Variants in HAPSTR1 observed in about 807,000 individuals in gnomAD.
HAPSTR1 encodes the protein HUWE1-associated protein modifying stress responses 1.
the HAPSTR1 span, among the ~76,000 whole-genome samples, chr16:9,114,904 G>A: frequency 6.6e-6 from 1 of 152,208 alleles, no homozygotes; most frequent in Non-Finnish European, 1.5e-5. Flanking sequence ...GTATTCTCAT[G>A]TTAATGCTTC....
chr16:9,106,314 C>A, the HAPSTR1 span: 1 of 144,530 alleles, frequency 6.9e-6, no homozygotes, highest in Non-Finnish European at 1.5e-5. Context: ...TTTTTTGAGA[C>A]TGAGTGTCGC....
chr16:9,101,488 T>G, the HAPSTR1 span, among the ~76,000 whole-genome samples: 1 of 152,244 alleles, frequency 6.6e-6, no homozygotes, highest in African/African-American at 2.4e-5. Context: ...CAAATTGATG[T>G]TGAATTCTTG....
chr16:9,111,394 T>C, the HAPSTR1 span: 1 of 152,384 alleles, frequency 6.6e-6, no homozygotes. Context: ...AATTGAATTT[T>C]CTGTGAAGTC....
the HAPSTR1 span, chr16:9,120,695 T>TTTTTTTGG: frequency 7.9e-6 from 1 of 126,062 alleles, no homozygotes; most frequent in Non-Finnish European, 1.7e-5. Flanking sequence ...TTTTTTTTTT[T>TTTTTTTGG]GTGATGGAGT....
At chr16:9,091,646 TCA>T in the HAPSTR1 span, 1 of 397,742 alleles carries the variant, frequency 2.5e-6, no homozygotes, top group Non-Finnish European at 4.4e-6. Context: ...ACGACGTTGC[TCA>T]GTCTTGGGGT....
chr16:9,118,466 G>C, the HAPSTR1 span: 1 of 152,628 alleles, frequency 6.6e-6, no homozygotes, highest in African/African-American at 2.4e-5. Context: ...GATGTGAATG[G>C]AATGTTAGAA....
the HAPSTR1 span, among the ~76,000 whole-genome samples, chr16:9,101,099 A>G: frequency 3.9e-5 from 6 of 152,204 alleles, no homozygotes; most frequent in Admixed American, 2.0e-4. Context: ...ATGTGGTGTG[A>G]TAAGTTTAGT....
the HAPSTR1 span, among the ~76,000 whole-genome samples, chr16:9,093,304 C>G: frequency 7.2e-5 from 11 of 152,256 alleles, no homozygotes; most frequent in South Asian, 2.3e-3. Flanking sequence ...CCAAGATAAC[C>G]GCCCCGGCCC....
chr16:9,102,955 C>T, the HAPSTR1 span: 6 of 1,606,298 alleles, frequency 3.7e-6, no homozygotes, highest in South Asian at 5.5e-5. Context: ...GGTCATGATA[C>T]ATGTTTTCTT....
chr16:9,118,123 A>G, the HAPSTR1 span: 1 of 152,594 alleles, frequency 6.6e-6, no homozygotes, highest in Admixed American at 6.5e-5. Flanking sequence ...AGCATGTTTC[A>G]TCTTCATTTT....
At chr16:9,110,934 A>C in the HAPSTR1 span, 1 of 152,488 alleles carries the variant, frequency 6.6e-6, no homozygotes, top group East Asian at 1.9e-4. Flanking sequence ...TCTACTCAGG[A>C]GGCTGAGGCA....
the HAPSTR1 span, among the ~76,000 whole-genome samples, chr16:9,100,422 T>A: frequency 1.1e-3 from 168 of 152,338 alleles, no homozygotes; most frequent in African/African-American, 3.9e-3. Flanking sequence ...AGGATATTTT[T>A]TTTTTTTTTA....
the HAPSTR1 span, chr16:9,104,696 C>G: frequency 4.7e-4 from 71 of 152,158 alleles, no homozygotes; most frequent in Non-Finnish European, 1.6e-4. Context: ...GCACACTGTT[C>G]CTGACACAGT....
At chr16:9,114,475 C>G in the HAPSTR1 span, among the ~76,000 whole-genome samples, 7 of 152,084 alleles carry the variant, frequency 4.6e-5, no homozygotes, top group Middle Eastern at 3.2e-3. Flanking sequence ...TGGGCTCACT[C>G]AGGGAGTGAA....
chr16:9,091,646 T>C, the HAPSTR1 span: 2 of 397,630 alleles, frequency 5.0e-6, no homozygotes, highest in Admixed American at 4.4e-5. Flanking sequence ...ACGACGTTGC[T>C]CAGTCTTGGG....
At chr16:9,093,053 G>C in the HAPSTR1 span, 2 of 1,523,944 alleles carry the variant, frequency 1.3e-6, no homozygotes, top group Non-Finnish European at 9.0e-7. Flanking sequence ...GCCTGCGTCA[G>C]GGTGTCTGCC....
chr16:9,119,490 C>T, the HAPSTR1 span: 2 of 152,244 alleles, frequency 1.3e-5, no homozygotes, highest in Non-Finnish European at 2.9e-5. Flanking sequence ...GTCGCCCTAA[C>T]TTGGCATGGG....
At chr16:9,117,064 G>C in the HAPSTR1 span, 1 of 1,115,712 alleles carries the variant, frequency 9.0e-7, no homozygotes, top group Admixed American at 2.8e-5. Context: ...GGAAGTTCTA[G>C]GTATTTATAG....
chr16:9,092,744 C>T, the HAPSTR1 span, among the ~76,000 whole-genome samples: 18 of 152,074 alleles, frequency 1.2e-4, no homozygotes, highest in East Asian at 1.9e-4. Flanking sequence ...ACCTCCCTGC[C>T]CCCCCGGTCC....
Sources: allele counts gnomAD v4.1 joint callset (sites outside exome capture counted in the v4.1 genomes callset), GRCh38; gene constraint gnomAD v4.1.1; transcripts MANE v1.5; gene names NCBI Gene and HGNC (gene_info 2026-07-23, HGNC 2026-07-21).